DOCK3: variants seen among roughly 807,000 people sequenced by gnomAD.
DOCK3 encodes the protein dedicator of cytokinesis 3.
A neutral mutation model predicts 265.6 loss-of-function variants in DOCK3; 60 were observed. The observed-to-expected ratio is 0.23, with a 90% CI of 0.18 to 0.28. DOCK3 has a LOEUF of 0.28. Ranked by LOEUF, DOCK3 falls within the 10% of genes least tolerant of loss-of-function variation. The pLI is 1.00. For missense variants in DOCK3, 1,981 were observed against 2,594.3 expected, an observed-to-expected ratio of 0.76 and a Z score of 5.14; for synonymous variants, 881 against 938.0, an observed-to-expected ratio of 0.94 and a Z score of 1.11.
intron 21 of DOCK3, among the ~76,000 whole-genome samples, chr3:51,241,634 T>C (rs1010596099): frequency 2.0e-5 from 3 of 152,248 alleles, no homozygotes; most frequent in Non-Finnish European, 4.4e-5. Context: ...CATTCTTTTT[T>C]CTCTGTTCTT....
intron 23 of DOCK3, among the ~76,000 whole-genome samples, chr3:51,261,508 A>G (rs946730045): frequency 2.0e-5 from 3 of 152,156 alleles, no homozygotes; most frequent in Non-Finnish European, 4.4e-5. Context: ...ACACTGAGCT[A>G]GCTGCAGGAG....
intron 2 of DOCK3, among the ~76,000 whole-genome samples, chr3:50,795,203 A>G (rs960099084): frequency 3.3e-5 from 5 of 152,106 alleles, no homozygotes; most frequent in African/African-American, 1.2e-4. Flanking sequence ...TGATGATTAT[A>G]TATCTTGGAG....
intron 12 of DOCK3, among the ~76,000 whole-genome samples, chr3:51,181,341 A>G (rs942435305): frequency 7.9e-6 from 1 of 126,952 alleles, no homozygotes; most frequent in African/African-American, 3.1e-5. Context: ...CCTGTGTCCA[A>G]GTGTTCTCAT....
At chr3:51,213,378 G>A (rs1269496184) in intron 13 of DOCK3, among the ~76,000 whole-genome samples, 2 of 152,200 alleles carry the variant, frequency 1.3e-5, no homozygotes, top group Non-Finnish European at 1.5e-5. Context: ...CTGCAGCGGG[G>A]ACCCTCAGGA....
At chr3:51,034,898 T>C (rs1407279609) in intron 5 of DOCK3, among the ~76,000 whole-genome samples, 1 of 152,118 alleles carries the variant, frequency 6.6e-6, no homozygotes, top group Non-Finnish European at 1.5e-5. Context: ...TTAAATATGT[T>C]ATTCCATTGT....
chr3:51,292,675 G>A (rs2081852191), intron 27 of DOCK3, among the ~76,000 whole-genome samples: 1 of 152,050 alleles, frequency 6.6e-6, no homozygotes, highest in South Asian at 2.1e-4. Context: ...AATACTTAGG[G>A]GTTAAAAAAT....
chr3:51,055,536 A>C (rs1295593859), intron 5 of DOCK3, among the ~76,000 whole-genome samples: 1 of 152,166 alleles, frequency 6.6e-6, no homozygotes, highest in East Asian at 1.9e-4. Flanking sequence ...CCCTAAGAAG[A>C]GATGCCTATG....
At chr3:51,345,164 C>T (rs1007505883) in intron 38 of DOCK3, among the ~76,000 whole-genome samples, 4 of 152,190 alleles carry the variant, frequency 2.6e-5, no homozygotes, top group African/African-American at 7.2e-5. Context: ...CAGGTAGACC[C>T]TGTTGTGGGT....
At chr3:51,220,656 CA>C (rs5848918) in intron 14 of DOCK3, among the ~76,000 whole-genome samples, 34,437 of 98,804 alleles carry the variant, frequency 0.35, 6,123 homozygotes, top group East Asian at 0.48. Context: ...GACTCCATCT[CA>C]AAAAAAAAAA....
At position 50,943,883 on chromosome 3, in the gene DOCK3, G is replaced by A. The variant is rs2076362365; in HGVS notation, c.315+9806G>A. ...CACTTCTATGATAGGCTCATTATTA[G>A]GTGTTAGTTTCTTATGCTATAAATG... On this transcript the variant is annotated intron_variant, in intron 5 of 52. Coordinates refer to ENST00000266037, the MANE Select transcript of DOCK3 (RefSeq NM_004947.5). Among the ~76,000 whole-genome samples the A allele has an allele frequency of 2.6e-5, 4 of 152,042 alleles. No individual in the cohort carries two copies. The South Asian group carries it at 8.3e-4, about 32-fold the overall frequency.
chr3:50,834,604 A>G (rs142014968), intron 2 of DOCK3, among the ~76,000 whole-genome samples: 1 of 152,298 alleles, frequency 6.6e-6, no homozygotes, highest in African/African-American at 2.4e-5. Context: ...TAGCTAAAAT[A>G]TTAATTAAGT....
At chr3:50,755,594 C>G (rs755107081) in intron 1 of DOCK3, among the ~76,000 whole-genome samples, 3 of 152,156 alleles carry the variant, frequency 2.0e-5, no homozygotes, top group African/African-American at 7.2e-5. Context: ...GAAGGTTGTG[C>G]AACCATCATC....
At chr3:50,986,779 G>A (rs770407755) in intron 5 of DOCK3, among the ~76,000 whole-genome samples, 3 of 152,116 alleles carry the variant, frequency 2.0e-5, no homozygotes, top group Non-Finnish European at 4.4e-5. Flanking sequence ...CTTTTACACA[G>A]AACTCTGTAT....
At chr3:51,272,443 A>ATTT (rs11371306) in intron 24 of DOCK3, among the ~76,000 whole-genome samples, 19 of 132,674 alleles carry the variant, frequency 1.4e-4, no homozygotes, top group African/African-American at 4.8e-4. Context: ...TGCCTGGCTA[A>ATTT]TTTTTTTTTT....
intron 12 of DOCK3, among the ~76,000 whole-genome samples, chr3:51,161,644 A>G (rs775105971): frequency 4.6e-5 from 7 of 152,142 alleles, no homozygotes; most frequent in Non-Finnish European, 7.4e-5. Flanking sequence ...CCAATCTTAT[A>G]TATTTGCAGA....
chr3:51,068,709 T>A (rs1230643236), intron 6 of DOCK3, among the ~76,000 whole-genome samples: 2 of 152,080 alleles, frequency 1.3e-5, no homozygotes, highest in African/African-American at 2.4e-5. Context: ...CCAAAGCCCA[T>A]GTGCTTTATG....
At chr3:51,025,336 T>C (rs2079768618) in intron 5 of DOCK3, among the ~76,000 whole-genome samples, 1 of 152,066 alleles carries the variant, frequency 6.6e-6, no homozygotes, top group Non-Finnish European at 1.5e-5. Context: ...CAGAGGAGTT[T>C]ACAAAAGGAG....
chr3:51,196,644 T>G (rs988741561), intron 12 of DOCK3, among the ~76,000 whole-genome samples: 1 of 152,234 alleles, frequency 6.6e-6, no homozygotes, highest in African/African-American at 2.4e-5. Context: ...TGTTCTGAGA[T>G]TCTTCTGCCT....
At chr3:50,832,319 A>G (rs1186066253) in intron 2 of DOCK3, among the ~76,000 whole-genome samples, 1 of 152,256 alleles carries the variant, frequency 6.6e-6, no homozygotes, top group East Asian at 1.9e-4. Context: ...CTTCATGACT[A>G]AAACACCAAA....
Sources: gnomAD v4.1 joint callset for allele counts (sites outside exome capture counted in the v4.1 genomes callset) on GRCh38, gnomAD v4.1.1 for gene constraint, MANE v1.5 for transcripts, NCBI Gene and HGNC (gene_info 2026-07-23, HGNC 2026-07-21) for gene names.